CACNA2D1: variants seen among roughly 807,000 people sequenced by gnomAD.
The protein encoded by CACNA2D1 is calcium voltage-gated channel auxiliary subunit alpha2delta 1.
A neutral mutation model predicts 171.5 loss-of-function variants in CACNA2D1; 53 were observed. The ratio of observed to expected loss-of-function variants is 0.31; its 90% CI spans 0.25 to 0.39. The LOEUF is 0.39. CACNA2D1 is among the 10% of genes least tolerant of loss of function. CACNA2D1 has a pLI of 1.00. For synonymous variants in CACNA2D1, 442 were observed against 443.1 expected (o/e 1.00, Z 0.03); for missense variants, 903 against 1,299.8 (o/e 0.69, Z 4.69).
At chr7:81,974,627 C>G (rs1382341043) in intron 24 of CACNA2D1, 75 bp from the exon 25 acceptor site, 5 of 709,744 alleles carry the variant, frequency 7.0e-6, no homozygotes, top group East Asian at 6.0e-5. Context: ...AGTGAAAACA[C>G]TATTTTTTTT....
intron 3 of CACNA2D1, among the ~76,000 whole-genome samples, chr7:82,273,077 A>C (rs1286554047): frequency 2.0e-5 from 3 of 152,226 alleles, no homozygotes; most frequent in Non-Finnish European, 4.4e-5. Context: ...ATCACAAAAT[A>C]AAGTTAAATA....
intron 1 of CACNA2D1, among the ~76,000 whole-genome samples, chr7:82,379,978 C>A (rs553731602): frequency 6.6e-6 from 1 of 152,044 alleles, no homozygotes; most frequent in South Asian, 2.1e-4. Flanking sequence ...ATATTTTTTA[C>A]TCCCTAAGTA....
At chr7:82,262,155 C>T (rs559520568) in intron 3 of CACNA2D1, among the ~76,000 whole-genome samples, 2 of 152,272 alleles carry the variant, frequency 1.3e-5, no homozygotes, top group South Asian at 4.1e-4. Flanking sequence ...CACGGTGAAA[C>T]CCCGTCTCTA....
At chr7:82,298,932 G>A (rs11765141) in intron 3 of CACNA2D1, among the ~76,000 whole-genome samples, 40,416 of 151,478 alleles carry the variant, frequency 0.27, 6,357 homozygotes, top group Non-Finnish European at 0.35. Context: ...GCGTGGTGGC[G>A]GGTGCATGTA....
chr7:81,998,896 A>C (rs150288894), intron 18 of CACNA2D1, among the ~76,000 whole-genome samples: 271 of 152,232 alleles, frequency 1.8e-3, no homozygotes, highest in African/African-American at 6.3e-3. Flanking sequence ...AAAACCCCTA[A>C]CAAAAGGATA....
rs1366203148 is a variant in CACNA2D1, at chr7:81,947,654, A to AAC, written c.*2737_*2738insGT. 5 of 152,004 alleles carry AAC rather than the reference A, an allele frequency of 3.3e-5. No individual in the cohort carries two copies. The highest frequency in any genetic ancestry group is 5.9e-5 in the Non-Finnish European group (4 of 67,888). 9.4% of individuals were successfully genotyped at this position (152,004 alleles called of 1,614,324 possible). A position where few individuals can be genotyped will look rare whatever the true frequency, so the allele number is the denominator to read the frequency against. ...TAACAAAAATTAGTTAAAGCAGTGT[A>AAC]TAAACTTTTTTATTGATCTGTTGTA... On this transcript the variant is annotated 3_prime_UTR_variant, in exon 39 of 39. Coordinates refer to ENST00000356860, the MANE Select transcript of CACNA2D1 (RefSeq NM_000722.4).
At chr7:82,200,135 C>T (rs771402233) in intron 3 of CACNA2D1, among the ~76,000 whole-genome samples, 6 of 152,038 alleles carry the variant, frequency 3.9e-5, no homozygotes, top group African/African-American at 7.2e-5. Flanking sequence ...CACACATATA[C>T]GTATGTATAA....
intron 10 of CACNA2D1, among the ~76,000 whole-genome samples, chr7:82,047,598 C>T (rs1390309558): frequency 6.6e-6 from 1 of 152,064 alleles, no homozygotes; most frequent in Non-Finnish European, 1.5e-5. Flanking sequence ...TGACATCCAT[C>T]TAGTACATTT....
In CACNA2D1 at chr7:82,217,636, A is replaced by T. The variant is rs1585127463; in HGVS notation, c.295-47027T>A. On this transcript the variant is annotated intron_variant, in intron 3 of 38. Coordinates refer to ENST00000356860, the MANE Select transcript of CACNA2D1 (RefSeq NM_000722.4). ...CTATCAACATTCATGGCACAGTTTCACACACACACACACACACACACACAC... is the reference window on the plus strand; with the variant it reads ...CTATCAACATTCATGGCACAGTTTCTCACACACACACACACACACACACAC... Among the ~76,000 whole-genome samples the T allele has an allele frequency of 5.1e-5, 3 of 59,088 alleles. No homozygotes were observed. The South Asian group carries it at 1.7e-3, about 33-fold the overall frequency. The allele number at this position is 59,088 out of a possible 152,430, so 38.8% of individuals were successfully genotyped here.
At chr7:82,322,753 C>T (rs1351689528) in intron 3 of CACNA2D1, among the ~76,000 whole-genome samples, 3 of 152,098 alleles carry the variant, frequency 2.0e-5, no homozygotes, top group African/African-American at 4.8e-5. Flanking sequence ...TCTTATCTTG[C>T]GAATGCAGTT....
chr7:82,351,642 G>GA (rs1157209227), intron 1 of CACNA2D1, among the ~76,000 whole-genome samples: 27 of 152,058 alleles, frequency 1.8e-4, no homozygotes, highest in Non-Finnish European at 4.4e-5. Context: ...ATAAAATAGA[G>GA]AAAAATTGTT....
intron 3 of CACNA2D1, among the ~76,000 whole-genome samples, chr7:82,253,156 A>AG (rs1255928132): frequency 1.3e-5 from 2 of 148,540 alleles, no homozygotes; most frequent in African/African-American, 5.1e-5. Flanking sequence ...GACTTTCAAA[A>AG]TAATTTGGAT....
At chr7:82,193,493 C>T (rs940533160) in intron 3 of CACNA2D1, among the ~76,000 whole-genome samples, 16 of 151,676 alleles carry the variant, frequency 1.1e-4, no homozygotes, top group African/African-American at 2.9e-4. Context: ...AAAGATTAAG[C>T]GTGAACCAAA....
intron 3 of CACNA2D1, among the ~76,000 whole-genome samples, chr7:82,301,368 G>T (rs555266589): frequency 6.6e-6 from 1 of 152,012 alleles, no homozygotes; most frequent in East Asian, 1.9e-4. Flanking sequence ...CAGGTGATCC[G>T]CCTGCCTCAG....
At chr7:82,163,709 G>T (rs762514672) in intron 4 of CACNA2D1, among the ~76,000 whole-genome samples, 41 of 151,970 alleles carry the variant, frequency 2.7e-4, no homozygotes, top group Non-Finnish European at 5.1e-4. Flanking sequence ...ATTGAATCCA[G>T]CTCAAAGACT....
In CACNA2D1 at chr7:82,128,100, T is replaced by G. The variant is rs528044729; in HGVS notation, c.396+8535A>C. Among the ~76,000 whole-genome samples the G allele has an allele frequency of 6.1e-4, 92 of 151,880 alleles. 1 individual carries two copies. Among genetic ancestry groups the G allele is most frequent in the Admixed American group, 3.5e-3 (53 of 15,258 alleles). On this transcript the variant is annotated intron_variant, in intron 5 of 38. Transcript: ENST00000356860. ...CACCATGCCCAGCTAATTTTAGTTT[T>G]TTTTTTTTTTGTAGAGACAGGGTGT... is the stretch of plus-strand genomic sequence containing the variant.
At chr7:82,094,857 T>C (rs963603782) in intron 6 of CACNA2D1, among the ~76,000 whole-genome samples, 10 of 152,170 alleles carry the variant, frequency 6.6e-5, no homozygotes, top group African/African-American at 2.4e-4. Flanking sequence ...TCGTTTCTGC[T>C]CCTAGCCGTA....
chr7:82,061,619 A>C (rs1562985237), intron 9 of CACNA2D1, among the ~76,000 whole-genome samples: 1 of 152,158 alleles, frequency 6.6e-6, no homozygotes, highest in Non-Finnish European at 1.5e-5. Context: ...GCACTAACAA[A>C]GACCATGGCA....
chr7:82,055,260 C>A (rs941028197), intron 10 of CACNA2D1, among the ~76,000 whole-genome samples: 1 of 152,072 alleles, frequency 6.6e-6, no homozygotes, highest in Non-Finnish European at 1.5e-5. Context: ...GCAAAAGTAA[C>A]CTGTGACCCT....
Sources: gnomAD v4.1 joint callset for allele counts (sites outside exome capture counted in the v4.1 genomes callset) on GRCh38, gnomAD v4.1.1 for gene constraint, MANE v1.5 for transcripts, NCBI Gene and HGNC (gene_info 2026-07-23, HGNC 2026-07-21) for gene names.